Variants in DAB1 observed in about 807,000 individuals in gnomAD.
DAB1 encodes the protein DAB adaptor protein 1, also known as disabled homolog 1.
DAB1 carries 15 observed loss-of-function variants against 64.6 expected under a neutral mutation model. The ratio of observed to expected loss-of-function variants is 0.23; its 90% confidence interval spans 0.16 to 0.36. The LOEUF is 0.36. Ranked by LOEUF, DAB1 falls within the 10% of genes least tolerant of loss-of-function variation. The probability of loss-of-function intolerance (pLI) is 1.00; values close to 1 mark genes in which losing one functional copy is unlikely to be tolerated. For missense variants in DAB1, 596 were observed against 706.7 expected, an observed-to-expected ratio of 0.84 and a Z score of 1.78; for synonymous variants, 235 against 251.9, an observed-to-expected ratio of 0.93 and a Z score of 0.64.
At chr1:57,531,987 G>A (rs573044990) in intron 7 of DAB1, among the ~76,000 whole-genome samples, 62 of 152,280 alleles carry the variant, frequency 4.1e-4, no homozygotes, top group African/African-American at 1.5e-3. Context: ...TGCATTTGGA[G>A]TATTAATTAC....
chr1:57,503,639 G>A (rs909538797), intron 7 of DAB1, among the ~76,000 whole-genome samples: 6 of 152,162 alleles, frequency 3.9e-5, no homozygotes, highest in South Asian at 2.1e-4. Context: ...ATGCCCTGCC[G>A]GGCAATATTT....
chr1:57,464,535 A>T (rs1344816069), intron 7 of DAB1, among the ~76,000 whole-genome samples: 3 of 152,204 alleles, frequency 2.0e-5, no homozygotes, highest in Non-Finnish European at 4.4e-5. Flanking sequence ...CATGAGGCAC[A>T]TCTTCTCTTG....
chr1:57,840,260 G>T (rs1652990229), intron 1 of DAB1, among the ~76,000 whole-genome samples: 1 of 152,308 alleles, frequency 6.6e-6, no homozygotes, highest in Non-Finnish European at 1.5e-5. Context: ...TATGTAATCA[G>T]TGTAAGGCTT....
intron 3 of DAB1, among the ~76,000 whole-genome samples, chr1:58,407,954 C>T (rs749146472): frequency 3.9e-5 from 6 of 152,300 alleles, no homozygotes; most frequent in African/African-American, 7.2e-5. Flanking sequence ...TTCTTGGTCT[C>T]GGTTCCTACT....
intron 7 of DAB1, among the ~76,000 whole-genome samples, chr1:57,470,529 G>A (rs1687100192): frequency 6.6e-6 from 1 of 152,154 alleles, no homozygotes; most frequent in Non-Finnish European, 1.5e-5. Flanking sequence ...GGTGGGTTAA[G>A]TGTGTTACTT....
chr1:57,336,807 T>C (rs1677116000), intron 1 of DAB1, among the ~76,000 whole-genome samples: 1 of 152,200 alleles, frequency 6.6e-6, no homozygotes, highest in South Asian at 2.1e-4. Flanking sequence ...ATATGTGTTG[T>C]AAGTATCCAA....
chr1:58,372,998 A>T (rs908402806), intron 3 of DAB1, among the ~76,000 whole-genome samples: 8 of 152,152 alleles, frequency 5.3e-5, no homozygotes, highest in Non-Finnish European at 1.2e-4. Flanking sequence ...CAAGAAAAAA[A>T]CCTGAAAGCA....
chr1:57,850,034 A>G (rs1329122563), intron 1 of DAB1, among the ~76,000 whole-genome samples: 1 of 152,154 alleles, frequency 6.6e-6, no homozygotes, highest in Non-Finnish European at 1.5e-5. Flanking sequence ...CTCTGTTGAC[A>G]TAGGTGGGGA....
intron 5 of DAB1, among the ~76,000 whole-genome samples, chr1:58,032,921 A>C (rs529306654): frequency 2.6e-5 from 4 of 152,250 alleles, no homozygotes; most frequent in African/African-American, 9.6e-5. Context: ...CCTCTTCCTG[A>C]TCTGATCTTT....
chr1:58,159,630 C>G (rs1481414148), intron 4 of DAB1, among the ~76,000 whole-genome samples: 1 of 152,220 alleles, frequency 6.6e-6, no homozygotes, highest in African/African-American at 2.4e-5. Context: ...CATTGGTCAT[C>G]ACCATCTGTG....
chr1:57,708,456 T>C (rs1454725683), intron 6 of DAB1, among the ~76,000 whole-genome samples: 1 of 152,240 alleles, frequency 6.6e-6, no homozygotes, highest in Non-Finnish European at 1.5e-5. Flanking sequence ...GCTCTGGTGT[T>C]GCACTGAGTT....
chr1:57,982,524 C>T (rs904700533), intron 5 of DAB1, among the ~76,000 whole-genome samples: 6 of 152,140 alleles, frequency 3.9e-5, no homozygotes, highest in Non-Finnish European at 7.3e-5. Context: ...GATGAGAGCT[C>T]ATCTATGGGT....
chr1:58,150,533 T>C (rs1654861273), exon 5 of DAB1: 1 of 150,832 alleles, frequency 6.6e-6, no homozygotes, highest in South Asian at 2.1e-4. Flanking sequence ...CTTCTTGGAC[T>C]CACACTCTCC....
chr1:57,735,170 T>C (rs1647623803), intron 6 of DAB1, among the ~76,000 whole-genome samples: 1 of 152,106 alleles, frequency 6.6e-6, no homozygotes, highest in Non-Finnish European at 1.5e-5. Context: ...AAGACTAAAA[T>C]GAAGGAGAAG....
chr1:58,430,921 G>GC (rs1406679606), intron 3 of DAB1, among the ~76,000 whole-genome samples: 4 of 152,142 alleles, frequency 2.6e-5, no homozygotes, highest in South Asian at 2.1e-4. Context: ...TTTCCCAGAG[G>GC]CCCCCTCACA....
chr1:57,488,186 G>A (rs568462012), intron 7 of DAB1, among the ~76,000 whole-genome samples: 9 of 152,158 alleles, frequency 5.9e-5, no homozygotes, highest in Non-Finnish European at 8.8e-5. Context: ...GGTGGATTAC[G>A]AGGTCAGGAG....
intron 7 of DAB1, among the ~76,000 whole-genome samples, chr1:57,548,629 T>A (rs1644881266): frequency 6.6e-6 from 1 of 152,196 alleles, no homozygotes; most frequent in South Asian, 2.1e-4. Flanking sequence ...TATTTTCTCC[T>A]GAAAAGAATA....
intron 2 of DAB1, among the ~76,000 whole-genome samples, chr1:57,214,328 C>T (rs1424788575): frequency 1.3e-5 from 2 of 152,226 alleles, no homozygotes; most frequent in Admixed American, 6.5e-5. Context: ...AATACCATCA[C>T]ATTGGCAACA....
chr1:57,882,521 C>T (rs959943811), intron 1 of DAB1, among the ~76,000 whole-genome samples: 2 of 152,130 alleles, frequency 1.3e-5, no homozygotes, highest in African/African-American at 4.8e-5. Context: ...CTAATTTTTC[C>T]CCTCAGCATC....
Sources: allele counts gnomAD v4.1 joint callset (sites outside exome capture counted in the v4.1 genomes callset), GRCh38; gene constraint gnomAD v4.1.1; transcripts MANE v1.5; gene names NCBI Gene and HGNC (gene_info 2026-07-23, HGNC 2026-07-21).